Variants in ANKS1B observed in about 807,000 individuals in gnomAD.
ANKS1B encodes the protein ankyrin repeat and sterile alpha motif domain-containing protein 1B.
In ANKS1B, 36 loss-of-function variants were observed where a neutral mutation model predicts 148.3. The ratio of observed to expected loss-of-function variants is 0.24; its 90% CI spans 0.19 to 0.32. The LOEUF is 0.32. ANKS1B is among the 10% of genes least tolerant of loss of function. ANKS1B has a pLI of 1.00. For missense variants in ANKS1B, 1,157 were observed against 1,542.6 expected (o/e 0.75, Z 4.19); for synonymous variants, 542 against 560.8 (o/e 0.97, Z 0.47).
chr12:99,922,696 G>C (rs959857431), intron 1 of ANKS1B, among the ~76,000 whole-genome samples: 1 of 152,130 alleles, frequency 6.6e-6, no homozygotes, highest in Non-Finnish European at 1.5e-5. Context: ...CGAAGTTCAT[G>C]TGTTGGGAAC....
Position 98,751,592 on chromosome 12 carries a change from A to T in ANKS1B, c.3580-70T>A. On this transcript the variant is annotated intron_variant, in intron 25 of 26. Transcript: ENST00000683438. This position sits in a 1 kb window ranked among gnomAD's most constrained non-coding sequence, Gnocchi z 4.3. ...TTAGAATGGGTCGAATGGCTGAGGAACACTGAGGGAGGTGAACTAGGGAGG... is the reference window on the plus strand; with the variant it reads ...TTAGAATGGGTCGAATGGCTGAGGATCACTGAGGGAGGTGAACTAGGGAGG... 1 of 1,462,396 alleles carries T rather than the reference A, an allele frequency of 6.8e-7. No individual in the cohort carries two copies. The highest frequency in any genetic ancestry group is 1.2e-5 in the South Asian group (1 of 81,306). The allele number at this position is 1,462,396 out of a possible 1,614,324, so 90.6% of individuals were successfully genotyped here. A position where few individuals can be genotyped will look rare whatever the true frequency, so the allele number is the denominator to read the frequency against.
chr12:99,490,060 T>C lies in ANKS1B; in HGVS notation c.1438+14416A>G, dbSNP rs142877419. 4.0e-3 allele frequency among the ~76,000 whole-genome samples: 616 copies of C among 152,318 alleles called. 7 individuals carry two copies. The highest frequency in any genetic ancestry group is 0.015 in the South Asian group (74 of 4,824). ...CCAGTATCTAGAGTGCTTTAAGCTA[T>C]TATTTTGCCAAGTACTGTAGATAAA... On this transcript the variant is annotated intron_variant, in intron 10 of 26. Coordinates refer to ENST00000683438, the MANE Select transcript of ANKS1B (RefSeq NM_001352186.2).
intron 17 of ANKS1B, among the ~76,000 whole-genome samples, chr12:99,005,937 A>G (rs2099935913): frequency 6.6e-6 from 1 of 152,218 alleles, no homozygotes; most frequent in Admixed American, 6.5e-5. Flanking sequence ...GACAGCTGGA[A>G]TAAACCATGA....
At chr12:99,119,401 C>T (rs1450087593) in intron 15 of ANKS1B, among the ~76,000 whole-genome samples, 1 of 152,050 alleles carries the variant, frequency 6.6e-6, no homozygotes, top group African/African-American at 2.4e-5. Context: ...TCCTGTTCTC[C>T]AAAACTTGGA....
Position 98,735,607 on chromosome 12 carries a change from G to A in ANKS1B, c.718C>T (p.Gln240Ter). 1 of 774,536 alleles carries A rather than the reference G, an allele frequency of 1.3e-6. No homozygotes were observed. Among genetic ancestry groups the A allele is most frequent in the South Asian group, 1.4e-5 (1 of 74,014 alleles). The allele number at this position is 774,536 out of a possible 1,614,324, so 48.0% of individuals were successfully genotyped here. A position where few individuals can be genotyped will look rare whatever the true frequency, so the allele number is the denominator to read the frequency against. The change falls in exon 10 of 10, where the codon CAG (glutamine) becomes TAG (stop). Residue 240 changes from glutamine to a stop codon, truncating the protein, a stop_gained. Coordinates refer to the ANKS1B transcript ENST00000341752. LOFTEE classifies it high-confidence loss of function. ...TCAGTGTGTCTCTCTGATGGTTCCT[G>A]CCCGGTATGGCTGGCATGAAGAAGA...
intron 15 of ANKS1B, among the ~76,000 whole-genome samples, chr12:99,120,503 C>G (rs2062511334): frequency 6.6e-6 from 1 of 152,092 alleles, no homozygotes; most frequent in Non-Finnish European, 1.5e-5. Context: ...TTCTTTGGGC[C>G]AGAAAACTGT....
chr12:98,848,742 G>GTTTTTTTTTTTT lies in ANKS1B; in HGVS notation c.2779-16607_2779-16606insAAAAAAAAAAAA, dbSNP rs1567128578. On this transcript the variant is annotated intron_variant, in intron 17 of 26. Coordinates refer to ENST00000683438, the MANE Select transcript of ANKS1B (RefSeq NM_001352186.2). ...CCTGGATTAATTTCTGTGTATGTGT[G>GTTTTTTTTTTTT]GTTTTTTTTTTTTTGAGACGGAGTC... Among the ~76,000 whole-genome samples, 15 of 12,776 alleles carry GTTTTTTTTTTTT rather than the reference G, an allele frequency of 1.2e-3. 3 individuals are homozygous for GTTTTTTTTTTTT. The highest frequency in any genetic ancestry group is 9.1e-3 in the South Asian group (2 of 220). The allele number at this position is 12,776 out of a possible 152,430, so 8.4% of individuals were successfully genotyped here.
At chr12:99,267,563 A>C (rs1312386874) in intron 12 of ANKS1B, among the ~76,000 whole-genome samples, 4 of 152,138 alleles carry the variant, frequency 2.6e-5, no homozygotes, top group Non-Finnish European at 5.9e-5. Context: ...TTGGCTGTAC[A>C]TTCATTCATT....
chr12:99,938,229 T>TTCTA (rs1166544705), intron 1 of ANKS1B, among the ~76,000 whole-genome samples: 1 of 152,170 alleles, frequency 6.6e-6, no homozygotes, highest in African/African-American at 2.4e-5. Flanking sequence ...TGCAGGACGA[T>TTCTA]TCTAGTTGCT....
At chr12:99,570,620 T>G (rs1437658233) in intron 9 of ANKS1B, among the ~76,000 whole-genome samples, 1 of 145,940 alleles carries the variant, frequency 6.9e-6, no homozygotes, top group East Asian at 2.0e-4. Context: ...CACTCCAGCC[T>G]GAGCGACGGA....
chr12:99,839,249 TA>T (rs951102805), intron 1 of ANKS1B, among the ~76,000 whole-genome samples: 3 of 152,000 alleles, frequency 2.0e-5, no homozygotes, highest in Admixed American at 1.3e-4. Context: ...TTGTCAAATT[TA>T]AAAAAAAGTT....
chr12:99,822,514 T>C (rs955645307), intron 2 of ANKS1B, among the ~76,000 whole-genome samples: 2 of 152,190 alleles, frequency 1.3e-5, no homozygotes, highest in African/African-American at 4.8e-5. Flanking sequence ...CAGTATTAAG[T>C]TCCCACTTAT....
At chr12:99,294,144 C>T (rs1380317656) in intron 12 of ANKS1B, among the ~76,000 whole-genome samples, 2 of 152,086 alleles carry the variant, frequency 1.3e-5, no homozygotes, top group East Asian at 3.9e-4. Flanking sequence ...CAAATAGAAC[C>T]ACCATATGTT....
chr12:99,534,701 TTTTC>T (rs1294001638), intron 9 of ANKS1B, among the ~76,000 whole-genome samples: 2 of 148,450 alleles, frequency 1.3e-5, no homozygotes, highest in African/African-American at 5.0e-5. Flanking sequence ...TTTTTTTCTT[TTTTC>T]TTTTCTTTTT....
At position 98,948,947 on chromosome 12, in the gene ANKS1B, C is replaced by CTTTTTTTTTTTTT. The variant is rs869145338; in HGVS notation, c.2778+104197_2778+104209dup. Among the ~76,000 whole-genome samples, 670 of 84,840 alleles carry CTTTTTTTTTTTTT rather than the reference C, an allele frequency of 7.9e-3. 178 individuals are homozygous for CTTTTTTTTTTTTT. The highest frequency in any genetic ancestry group is 0.035 in the African/African-American group (509 of 14,728). 55.7% of individuals were successfully genotyped at this position (84,840 alleles called of 152,430 possible). A position where few individuals can be genotyped will look rare whatever the true frequency, so the allele number is the denominator to read the frequency against. ...AGGGGTGAGATATGAGCATGAGCTACTTTTTTTTTTTTTTTTTTTTTTTGA... is the reference window on the plus strand; with the variant it reads ...AGGGGTGAGATATGAGCATGAGCTACTTTTTTTTTTTTTTTTTTTTTTTTTTTTTTTTTTTTGA... On this transcript the variant is annotated intron_variant, in intron 17 of 26. Transcript: ENST00000683438.
intron 17 of ANKS1B, among the ~76,000 whole-genome samples, chr12:98,961,653 A>C (rs2099871622): frequency 6.6e-6 from 1 of 152,190 alleles, no homozygotes; most frequent in Admixed American, 6.5e-5. Flanking sequence ...CTAAAAGATC[A>C]ACCAATCAAA....
chr12:99,779,044 T>C (rs563775643), intron 6 of ANKS1B, among the ~76,000 whole-genome samples: 30 of 152,292 alleles, frequency 2.0e-4, no homozygotes, highest in African/African-American at 7.2e-4. Flanking sequence ...GAAAAACATC[T>C]GGGGTTTTTA....
At chr12:99,271,165 A>C (rs1337645761) in intron 12 of ANKS1B, among the ~76,000 whole-genome samples, 1 of 152,182 alleles carries the variant, frequency 6.6e-6, no homozygotes. Flanking sequence ...CCGCCAATTC[A>C]TCACATTCTT....
intron 10 of ANKS1B, among the ~76,000 whole-genome samples, chr12:99,449,306 A>G (rs2095687672): frequency 1.3e-5 from 2 of 152,110 alleles, no homozygotes; most frequent in South Asian, 2.1e-4. Context: ...TGTTAGTTTC[A>G]TCATCAATTC....
Sources: gnomAD v4.1 joint callset for allele counts (sites outside exome capture counted in the v4.1 genomes callset) on GRCh38, gnomAD v4.1.1 for gene constraint, Gnocchi (gnomAD v3.1) non-coding constraint, MANE v1.5 for transcripts, NCBI Gene and HGNC (gene_info 2026-07-23, HGNC 2026-07-21) for gene names.